MTMR9: variants seen among roughly 807,000 people sequenced by gnomAD.
The protein encoded by MTMR9 is myotubularin related protein 9.
In MTMR9, 39 loss-of-function variants were observed where a neutral mutation model predicts 69.5. The ratio of observed to expected loss-of-function variants is 0.56; its 90% CI spans 0.43 to 0.73. MTMR9 has a LOEUF of 0.73. Ranked by LOEUF, MTMR9 falls within the 30% of genes least tolerant of loss-of-function variation. The probability of loss-of-function intolerance (pLI) is 0.00; values close to 1 mark genes in which losing one functional copy is unlikely to be tolerated. For synonymous variants in MTMR9, 354 were observed against 240.8 expected (o/e 1.47, Z -4.35); for missense variants, 900 against 671.2 (o/e 1.34, Z -3.77).
chr8:11,295,368 C>T (rs1799517795), intron 2 of MTMR9, 66 bp downstream of exon 2: 3 of 901,628 alleles, frequency 3.3e-6, no homozygotes, highest in Non-Finnish European at 5.4e-6. Context: ...GTAGCTCTTC[C>T]ATTTCTTCAT....
At chr8:11,295,853 G>C (rs776326032) in intron 2 of MTMR9, among the ~76,000 whole-genome samples, 1 of 152,148 alleles carries the variant, frequency 6.6e-6, no homozygotes, top group Non-Finnish European at 1.5e-5. Context: ...TGAGTAGGTA[G>C]GGACTGGGGG....
chr8:11,288,176 C>G lies in MTMR9; in HGVS notation c.182+3106C>G, dbSNP rs1280452870. The stretch of plus-strand genomic sequence containing the variant: ...GCGAATAGGTGAATAATTATTTATT[C>G]ACCTATTCACCTAATACATGTAATT... On this transcript the variant is annotated intron_variant, in intron 1 of 9. Coordinates refer to ENST00000221086, the MANE Select transcript of MTMR9 (RefSeq NM_015458.4). Among the ~76,000 whole-genome samples, 3 of 134,892 alleles carry G rather than the reference C, an allele frequency of 2.2e-5. No homozygotes were observed. In the East Asian group the frequency reaches 6.1e-4, roughly 28 times the overall value. The allele number at this position is 134,892 out of a possible 152,430, so 88.5% of individuals were successfully genotyped here.
rs1379200581 is a variant in MTMR9, at chr8:11,284,846, G to T, written c.-43G>T. The stretch of plus-strand genomic sequence containing the variant: ...TTCCCTGCGGCGGGGTAACCGCCTC[G>T]CACCTACCGGGCTCGGTTCCCTGGC... On this transcript the variant is annotated 5_prime_UTR_variant, in exon 1 of 10. Transcript: ENST00000221086. 3 of 1,539,816 alleles carry T rather than the reference G, an allele frequency of 1.9e-6. No individual in the cohort carries two copies. The highest frequency in any genetic ancestry group is 2.6e-6 in the Non-Finnish European group (3 of 1,140,028).
intron 3 of MTMR9, among the ~76,000 whole-genome samples, chr8:11,303,634 C>T (rs1799831520): frequency 6.6e-6 from 1 of 151,984 alleles, no homozygotes; most frequent in African/African-American, 2.4e-5. Context: ...CCTGGGCTCC[C>T]GTGATTCTTT....
At chr8:11,314,722 A>T (rs1179700000) in intron 6 of MTMR9, among the ~76,000 whole-genome samples, 1 of 152,228 alleles carries the variant, frequency 6.6e-6, no homozygotes, top group Non-Finnish European at 1.5e-5. Context: ...TTTTCCCAAG[A>T]GAATCTTATC....
chr8:11,296,993 C>G, intron 2 of MTMR9, among the ~76,000 whole-genome samples: 1 of 152,098 alleles, frequency 6.6e-6, no homozygotes, highest in East Asian at 1.9e-4. Context: ...TTCTAACCAA[C>G]TATTTTGATG....
chr8:11,301,111 C>G (rs564402756), intron 3 of MTMR9, among the ~76,000 whole-genome samples: 2 of 152,134 alleles, frequency 1.3e-5, no homozygotes, highest in Admixed American at 6.5e-5. Flanking sequence ...CTTAATTGAT[C>G]TGTAGAGTCA....
intron 3 of MTMR9, among the ~76,000 whole-genome samples, chr8:11,303,822 C>T (rs1376528973): frequency 5.3e-5 from 8 of 152,036 alleles, no homozygotes; most frequent in Admixed American, 4.6e-4. Context: ...GTGTGAACCA[C>T]TGTGCCCAGC....
In MTMR9 at chr8:11,316,880, A is replaced by T. The variant is rs1800442277; in HGVS notation, c.1321A>T (p.Asn441Tyr). 1.3e-6 allele frequency: 2 copies of T among 1,599,234 alleles called. No homozygotes were observed. Among genetic ancestry groups the T allele is most frequent in the Non-Finnish European group, 8.5e-7 (1 of 1,173,256 alleles). ...ACAGTTTGGAACATTTCTGGGCAAC[A>T]ATGAAAGTGAAAGGTGAGTACACTG... ...ASQFGTFLGN[N>Y]ESERCKLKLQ... The change falls in exon 8 of 10, where the codon AAT (asparagine) becomes TAT (tyrosine). Residue 441 changes from asparagine to tyrosine, a missense_variant. Asn to Tyr is a moderately radical substitution (Grantham distance 143). Coordinates refer to ENST00000221086, the MANE Select transcript of MTMR9 (RefSeq NM_015458.4).
intron 6 of MTMR9, among the ~76,000 whole-genome samples, chr8:11,312,627 C>A: frequency 6.6e-6 from 1 of 152,192 alleles, no homozygotes; most frequent in East Asian, 1.9e-4. Context: ...TCAACTTCTT[C>A]CAAAATCTTT....
intron 4 of MTMR9, 44 bp from the exon 5 acceptor site, chr8:11,306,146 T>C (rs1271925944): frequency 6.4e-7 from 1 of 1,564,912 alleles, no homozygotes; most frequent in Non-Finnish European, 8.7e-7. Context: ...TCAGAAACTT[T>C]AAAAGCAACT....
chr8:11,328,217 AT>A (rs1223986802), downstream of MTMR9: 18 of 152,248 alleles, frequency 1.2e-4, no homozygotes, highest in African/African-American at 4.3e-4. Context: ...TTAAATCTAT[AT>A]ATTTTTTACC....
intron 6 of MTMR9, among the ~76,000 whole-genome samples, chr8:11,311,797 C>A (rs774151253): frequency 4.6e-5 from 7 of 152,110 alleles, no homozygotes; most frequent in Non-Finnish European, 1.0e-4. Flanking sequence ...GCATTTTTAC[C>A]CACGGTTGAA....
At chr8:11,336,435 G>A in the MTMR9 span, among the ~76,000 whole-genome samples, 147 of 152,306 alleles carry the variant, frequency 9.7e-4, no homozygotes, top group African/African-American at 3.4e-3. Context: ...TCCCTTTGGT[G>A]AACATTCACA....
At chr8:11,285,092 G>A (rs528626678) in intron 1 of MTMR9, 22 bp downstream of exon 1, 1 of 1,535,988 alleles carries the variant, frequency 6.5e-7, no homozygotes, top group South Asian at 1.2e-5. Context: ...CCCCACCCCA[G>A]CTCCGCAGGG....
rs2117476837 is a variant in MTMR9 at position 11,325,535 on chromosome 8, G to A, written c.*2747G>A. 6.6e-6 allele frequency: 1 copy of A among 152,308 alleles called. No homozygotes were observed. The highest frequency in any genetic ancestry group is 2.4e-5 in the African/African-American group (1 of 41,566). 9.4% of individuals were successfully genotyped at this position (152,308 alleles called of 1,614,324 possible). ...TCAGCATCTTCTCTATTCATGTGGA[G>A]TGAAAGCTGGTTTTTATACAGGAGA... is the stretch of plus-strand genomic sequence containing the variant. On this transcript the variant is annotated 3_prime_UTR_variant, in exon 10 of 10. Coordinates refer to ENST00000221086, the MANE Select transcript of MTMR9 (RefSeq NM_015458.4).
At chr8:11,312,212 T>A (rs77079484) in intron 6 of MTMR9, among the ~76,000 whole-genome samples, 1 of 150,288 alleles carries the variant, frequency 6.7e-6, no homozygotes, top group Non-Finnish European at 1.5e-5. Flanking sequence ...GGTCACCTAA[T>A]TTTTTTTTTC....
In MTMR9 at chr8:11,326,269, C is replaced by G. The variant is rs928020188; in HGVS notation, c.*3481C>G. 3.9e-5 allele frequency: 6 copies of G among 152,066 alleles called. No homozygotes were observed. Among genetic ancestry groups the G allele is most frequent in the African/African-American group, 1.4e-4 (6 of 41,408 alleles). 9.4% of individuals were successfully genotyped at this position (152,066 alleles called of 1,614,324 possible). A position where few individuals can be genotyped will look rare whatever the true frequency, so the allele number is the denominator to read the frequency against. On this transcript the variant is annotated 3_prime_UTR_variant, in exon 10 of 10. Coordinates refer to ENST00000221086, the MANE Select transcript of MTMR9 (RefSeq NM_015458.4). Reference sequence around the variant, plus strand: ...TCATCAGGTTCACTTATTATCCGACCTTAATCTGGGATAAAGGTTTTGGTA... The same window carrying G: ...TCATCAGGTTCACTTATTATCCGACGTTAATCTGGGATAAAGGTTTTGGTA...
At chr8:11,291,195 G>A (rs1317163935) in intron 1 of MTMR9, among the ~76,000 whole-genome samples, 3 of 151,958 alleles carry the variant, frequency 2.0e-5, no homozygotes, top group African/African-American at 7.3e-5. Context: ...AGATTAATTG[G>A]AGTCAAATTG....
Sources: allele counts gnomAD v4.1 joint callset (sites outside exome capture counted in the v4.1 genomes callset), GRCh38; gene constraint gnomAD v4.1.1; transcripts MANE v1.5; gene names NCBI Gene and HGNC (gene_info 2026-07-23, HGNC 2026-07-21).